Variants in PDE5A observed in about 807,000 individuals in gnomAD.
PDE5A encodes phosphodiesterase 5A, also known as cGMP-specific 3',5'-cyclic phosphodiesterase.
A neutral mutation model predicts 110.2 loss-of-function variants in PDE5A; 67 were observed. That is an observed-to-expected ratio of 0.61 (90% CI 0.50 to 0.75). The LOEUF (loss-of-function observed/expected upper bound fraction) is 0.75. Among genes scored for constraint, PDE5A ranks in the 30% least tolerant of loss-of-function variants. PDE5A has a pLI of 0.00. For synonymous variants in PDE5A, 328 were observed against 351.2 expected, an observed-to-expected ratio of 0.93 and a Z score of 0.74; for missense variants, 862 against 1,045.1, an observed-to-expected ratio of 0.82 and a Z score of 2.42.
intron 9 of PDE5A, among the ~76,000 whole-genome samples, chr4:119,552,211 C>T (rs1026671894): frequency 2.6e-5 from 4 of 152,182 alleles, no homozygotes; most frequent in East Asian, 3.9e-4. Context: ...ACCTAAACTA[C>T]ATTCTTAAAA....
At chr4:119,529,851 T>A (rs1415884574) in intron 11 of PDE5A, among the ~76,000 whole-genome samples, 1 of 152,044 alleles carries the variant, frequency 6.6e-6, no homozygotes, top group Non-Finnish European at 1.5e-5. Context: ...ACCTGATGAG[T>A]TTGAAGGCAG....
At chr4:119,571,030 CAG>C (rs1728123875) in intron 3 of PDE5A, among the ~76,000 whole-genome samples, 1 of 152,128 alleles carries the variant, frequency 6.6e-6, no homozygotes, top group Admixed American at 6.6e-5. Context: ...GTGAACAAAA[CAG>C]ATGAAAATCC....
intron 1 of PDE5A, among the ~76,000 whole-genome samples, chr4:119,617,393 T>G (rs1729979586): frequency 6.6e-6 from 1 of 151,134 alleles, no homozygotes; most frequent in South Asian, 2.1e-4. Flanking sequence ...CGCACACACG[T>G]GTCTGTGTCC....
intron 7 of PDE5A, among the ~76,000 whole-genome samples, chr4:119,554,806 T>C (rs887768167): frequency 1.3e-5 from 2 of 152,160 alleles, no homozygotes; most frequent in Admixed American, 1.3e-4. Flanking sequence ...TTAAATAGCA[T>C]TTACATTGTA....
chr4:119,583,591 C>T (rs1728661610), intron 3 of PDE5A, among the ~76,000 whole-genome samples: 1 of 152,186 alleles, frequency 6.6e-6, no homozygotes, highest in Non-Finnish European at 1.5e-5. Context: ...ATGCCTTCCT[C>T]ACTAAGCTTA....
At position 119,498,733 on chromosome 4, in the gene PDE5A, C is replaced by G. The variant is rs772469633; in HGVS notation, c.2496G>C (p.Leu832=). The change falls in exon 21 of 21, where the codon CTG becomes CTC. Residue 832 remains leucine (L), a synonymous_variant. Coordinates refer to ENST00000354960, the MANE Select transcript of PDE5A (RefSeq NM_001083.4). ...GGAAACAGTCCTCTGACACGTGGGT[C>G]AGGGCCTAAAGAGAAAAAAGAAAGC... is the stretch of plus-strand genomic sequence containing the variant. The part of the protein sequence containing the change: ...DAICLQLYEA[L]THVSEDCFPL... The G allele has an allele frequency of 5.0e-6, 8 of 1,613,798 alleles. No homozygotes were observed. Among genetic ancestry groups the G allele is most frequent in the Non-Finnish European group, 5.9e-6 (7 of 1,179,846 alleles).
chr4:119,611,971 T>G (rs966217939), intron 1 of PDE5A, among the ~76,000 whole-genome samples: 7 of 152,250 alleles, frequency 4.6e-5, no homozygotes, highest in Non-Finnish European at 1.0e-4. Context: ...CCTTTGCCCT[T>G]AAGACTAATA....
rs115798587 is a variant in PDE5A, at chr4:119,546,808, T to C, written c.1397-4174A>G. Among the ~76,000 whole-genome samples, 1,173 of 152,224 alleles carry C rather than the reference T, an allele frequency of 7.7e-3. 19 individuals are homozygous for C. The highest frequency in any genetic ancestry group is 0.027 in the African/African-American group (1,112 of 41,566). ...TAGCTTTCCTCATATAGATGACATA[T>C]ATTTCTGGCCAAGTTTATTCTTTGT... On this transcript the variant is annotated intron_variant, in intron 9 of 20. Coordinates refer to ENST00000354960, the MANE Select transcript of PDE5A (RefSeq NM_001083.4).
chr4:119,588,741 A>T (rs1328166231), intron 3 of PDE5A, among the ~76,000 whole-genome samples: 1 of 152,170 alleles, frequency 6.6e-6, no homozygotes, highest in Non-Finnish European at 1.5e-5. Flanking sequence ...GGTAGGTGTT[A>T]ATCACTTGGA....
At position 119,562,987 on chromosome 4, in the gene PDE5A, G is replaced by A; in HGVS notation, c.994-17C>T. The A allele has an allele frequency of 6.5e-7, 1 of 1,541,598 alleles. No individual in the cohort carries two copies. The highest frequency in any genetic ancestry group is 8.7e-7 in the Non-Finnish European group (1 of 1,151,142). On this transcript the variant is annotated splice_polypyrimidine_tract_variant and intron_variant, in intron 5 of 20. Transcript: ENST00000354960. The stretch of plus-strand genomic sequence containing the variant: ...AAGCAGCACCTAGACAAAAAAATTA[G>A]GAGCTCATTATTTAGCAATTGATTG...
At chr4:119,558,611 TTTTAAATTCAG>T (rs1246780607) in intron 7 of PDE5A, among the ~76,000 whole-genome samples, 2 of 152,174 alleles carry the variant, frequency 1.3e-5, no homozygotes, top group Non-Finnish European at 2.9e-5. Flanking sequence ...CTAAACACCA[TTTTAAATTCAG>T]TTACTGCAAA....
intron 3 of PDE5A, among the ~76,000 whole-genome samples, chr4:119,595,080 A>G (rs971596603): frequency 2.0e-5 from 3 of 152,216 alleles, no homozygotes; most frequent in Admixed American, 1.3e-4. Context: ...AACCTTAGGC[A>G]TTACTTCAAA....
intron 14 of PDE5A, among the ~76,000 whole-genome samples, 171 bp downstream of exon 14, chr4:119,518,873 GA>G (rs1298378150): frequency 6.6e-6 from 1 of 152,106 alleles, no homozygotes; most frequent in African/African-American, 2.4e-5. Context: ...CTTCAGGGCT[GA>G]AAAATTATAA....
intron 11 of PDE5A, among the ~76,000 whole-genome samples, chr4:119,533,430 TA>T (rs1387534810): frequency 6.6e-6 from 1 of 152,152 alleles, no homozygotes. Context: ...GGGGTGTTTT[TA>T]AAGAAGAAAC....
intron 11 of PDE5A, among the ~76,000 whole-genome samples, chr4:119,529,914 A>G (rs1726471467): frequency 1.3e-5 from 2 of 152,138 alleles, no homozygotes; most frequent in African/African-American, 4.8e-5. Context: ...TTCCTGGACC[A>G]GCAGCATCAG....
chr4:119,553,618 T>A lies in PDE5A; in HGVS notation c.1308+20A>T, dbSNP rs754698100. The A allele has an allele frequency of 1.0e-5, 12 of 1,187,486 alleles. No individual in the cohort carries two copies. The highest frequency in any genetic ancestry group is 1.3e-6 in the Non-Finnish European group (1 of 790,674). 73.6% of individuals were successfully genotyped at this position (1,187,486 alleles called of 1,614,324 possible). A position where few individuals can be genotyped will look rare whatever the true frequency, so the allele number is the denominator to read the frequency against. On this transcript the variant is annotated intron_variant, in intron 8 of 20. Coordinates refer to ENST00000354960, the MANE Select transcript of PDE5A (RefSeq NM_001083.4). ...GGGAAAACAGCCTTCTAGCTTCAAG[T>A]CTAAAATTGGGTTACTTACTGTCCA...
chr4:119,616,544 C>T (rs535030542), intron 1 of PDE5A, among the ~76,000 whole-genome samples: 32 of 152,098 alleles, frequency 2.1e-4, no homozygotes, highest in African/African-American at 7.7e-4. Flanking sequence ...TAATGTTTAA[C>T]ACATTTTGAT....
chr4:119,574,211 C>T (rs1295402659), intron 3 of PDE5A, among the ~76,000 whole-genome samples: 1 of 106,274 alleles, frequency 9.4e-6, no homozygotes, highest in African/African-American at 3.7e-5. Context: ...GAGACAGAGT[C>T]TCACTCTGTC....
At chr4:119,544,730 G>T (rs1016447779) in intron 9 of PDE5A, among the ~76,000 whole-genome samples, 1 of 152,200 alleles carries the variant, frequency 6.6e-6, no homozygotes, top group Admixed American at 6.5e-5. Flanking sequence ...GAGGGGTTGA[G>T]ATGTGAATAC....
Sources: gnomAD v4.1 joint callset for allele counts (sites outside exome capture counted in the v4.1 genomes callset) on GRCh38, gnomAD v4.1.1 for gene constraint, MANE v1.5 for transcripts, NCBI Gene and HGNC (gene_info 2026-07-23, HGNC 2026-07-21) for gene names.